The following EGFR variants were observed in gnomAD, a reference collection of about 807,000 sequenced individuals.
EGFR encodes epidermal growth factor receptor.
In EGFR, 58 loss-of-function variants were observed where a neutral mutation model predicts 143.0. The ratio of observed to expected loss-of-function variants is 0.41; its 90% confidence interval spans 0.33 to 0.50. The LOEUF is 0.50. EGFR is among the 20% of genes least tolerant of loss of function. EGFR has a pLI of 0.39. For synonymous variants in EGFR, 613 were observed against 594.4 expected (o/e 1.03, Z -0.45); for missense variants, 1,307 against 1,579.0 (o/e 0.83, Z 2.92).
rs756614898 is a variant in EGFR at position 55,181,311 on chromosome 7, A to G, written c.2302A>G (p.Ser768Gly). Reference sequence around the variant, plus strand: ...CCTCCAGGAAGCCTACGTGATGGCCAGCGTGGACAACCCCCACGTGTGCCG... The same window carrying G: ...CCTCCAGGAAGCCTACGTGATGGCCGGCGTGGACAACCCCCACGTGTGCCG... ...EILDEAYVMASVDNPHVCRLL... is the reference protein window; with the variant it reads ...EILDEAYVMAGVDNPHVCRLL... Residue 768 changes from serine to glycine, a missense_variant, in exon 20 of 28, where the codon AGC (serine) becomes GGC (glycine). Physicochemically the swap from Ser to Gly is moderately conservative, Grantham distance 56 (BLOSUM62 0). Around this residue, in one of 7 missense-constraint regions of EGFR, gnomAD observed 348 missense variants for 451.5 expected, o/e 0.77. Coordinates refer to ENST00000275493, the MANE Select transcript of EGFR (RefSeq NM_005228.5). 1.2e-6 allele frequency: 2 copies of G among 1,614,050 alleles called. No homozygotes were observed. The highest frequency in any genetic ancestry group is 1.3e-5 in the African/African-American group (1 of 74,942).
intron 1 of EGFR, among the ~76,000 whole-genome samples, chr7:55,024,973 TATG>T (rs1177208410): frequency 6.6e-6 from 1 of 152,208 alleles, no homozygotes; most frequent in African/African-American, 2.4e-5. Flanking sequence ...TATTTGGTTA[TATG>T]ATTATTTCCC....
chr7:55,116,587 A>G (rs1332774081), intron 1 of EGFR, among the ~76,000 whole-genome samples: 1 of 152,150 alleles, frequency 6.6e-6, no homozygotes, highest in African/African-American at 2.4e-5. Context: ...GGCCAATATC[A>G]CAAACCAATT....
In EGFR at chr7:55,152,648, G is replaced by A. The variant is rs200664836; in HGVS notation, c.731G>A (p.Arg244Gln). 14 of 1,613,596 alleles carry A rather than the reference G, an allele frequency of 8.7e-6. No individual in the cohort carries two copies. The highest frequency in any genetic ancestry group is 4.0e-5 in the African/African-American group (3 of 75,056). Residue 244 changes from arginine to glutamine, a missense_variant, in exon 6 of 28, where the codon CGG becomes CAG. By Grantham distance (43) the Arg-to-Gln change is conservative. This residue lies in a region of EGFR where 311 missense variants were observed against 412.3 expected (regional missense o/e 0.75). Coordinates refer to ENST00000275493, the MANE Select transcript of EGFR (RefSeq NM_005228.5). ...NQCAAGCTGPRESDCLVCRKF... is the reference protein window; with the variant it reads ...NQCAAGCTGPQESDCLVCRKF... The stretch of plus-strand genomic sequence containing the variant: ...TGTGCTGCAGGCTGCACAGGCCCCC[G>A]GGAGAGCGACTGCCTGGTAAGATGC...
At chr7:55,029,498 G>C (rs114692534) in intron 1 of EGFR, among the ~76,000 whole-genome samples, 2,128 of 151,968 alleles carry the variant, frequency 0.014, 55 homozygotes, top group African/African-American at 0.049. Context: ...CACAGAGAAA[G>C]AAAAATTTTT....
chr7:55,202,447 G>A, intron 26 of EGFR, 70 bp from the exon 27 acceptor site: 1 of 1,304,244 alleles, frequency 7.7e-7, no homozygotes, highest in Non-Finnish European at 1.1e-6. Context: ...GGAGATCTCG[G>A]GTGATTTTTG....
rs1256743514 is a variant in EGFR at position 55,191,728 on chromosome 7, T to C, written c.2479T>C (p.Tyr827His). ...WCVQIAKGMN[Y>H]LEDRRLVHRD... ...GTCTTCTCTGTTTCAGGGCATGAACTACTTGGAGGACCGTCGCTTGGTGCA... is the reference window on the plus strand; with the variant it reads ...GTCTTCTCTGTTTCAGGGCATGAACCACTTGGAGGACCGTCGCTTGGTGCA... The change falls in exon 21 of 28, where the codon TAC becomes CAC. Residue 827 changes from tyrosine to histidine, a missense_variant. Tyr to His is a moderately conservative substitution (Grantham distance 83). Coordinates refer to ENST00000275493, the MANE Select transcript of EGFR (RefSeq NM_005228.5). 1 of 1,613,796 alleles carries C rather than the reference T, an allele frequency of 6.2e-7. No homozygotes were observed. Among genetic ancestry groups the C allele is most frequent in the Non-Finnish European group, 8.5e-7 (1 of 1,180,010 alleles).
At chr7:55,086,967 A>G (rs1790801140) in intron 1 of EGFR, among the ~76,000 whole-genome samples, 2 of 152,156 alleles carry the variant, frequency 1.3e-5, no homozygotes. Flanking sequence ...TTCTGCAGGC[A>G]GGAAATGAGA....
At chr7:55,123,749 A>G (rs1340717766) in intron 1 of EGFR, among the ~76,000 whole-genome samples, 1 of 152,150 alleles carries the variant, frequency 6.6e-6, no homozygotes, top group Non-Finnish European at 1.5e-5. Flanking sequence ...GAAGAAACCT[A>G]GAGGAATCAA....
chr7:55,112,695 G>A (rs963604741), intron 1 of EGFR, among the ~76,000 whole-genome samples: 1 of 152,198 alleles, frequency 6.6e-6, no homozygotes, highest in Non-Finnish European at 1.5e-5. Context: ...CGCTGGATGG[G>A]AATCCCTCTG....
chr7:55,205,604 T>G lies in EGFR; in HGVS notation c.3620T>G (p.Phe1207Cys), dbSNP rs1301373415. Residue 1207 changes from phenylalanine to cysteine, a missense_variant, in exon 28 of 28, where the codon TTT becomes TGT. Coordinates refer to ENST00000275493, the MANE Select transcript of EGFR (RefSeq NM_005228.5). ...AGGGTCGCGCCACAAAGCAGTGAAT[T>G]TATTGGAGCATGACCACGGAGGATA... ...YLRVAPQSSE[F>C]IGA 6.2e-7 allele frequency: 1 copy of G among 1,614,124 alleles called. No individual in the cohort carries two copies. Among genetic ancestry groups the G allele is most frequent in the African/African-American group, 1.3e-5 (1 of 75,022 alleles).
intron 1 of EGFR, among the ~76,000 whole-genome samples, chr7:55,059,871 G>T (rs1789065203): frequency 6.6e-6 from 1 of 152,156 alleles, no homozygotes; most frequent in African/African-American, 2.4e-5. Context: ...ACCGAGATGT[G>T]CTGAGCAGAT....
intron 1 of EGFR, among the ~76,000 whole-genome samples, chr7:55,093,216 GC>G (rs1791233712): frequency 1.3e-5 from 2 of 152,172 alleles, no homozygotes; most frequent in Non-Finnish European, 2.9e-5. Flanking sequence ...CTGGAACCAA[GC>G]TTTAAATGCA....
At chr7:55,099,518 G>A (rs1256942910) in intron 1 of EGFR, among the ~76,000 whole-genome samples, 3 of 152,240 alleles carry the variant, frequency 2.0e-5, no homozygotes, top group African/African-American at 7.2e-5. Flanking sequence ...GTCCCAGATG[G>A]AGGGGGGAAT....
chr7:55,134,592 C>T (rs554733783), intron 1 of EGFR, among the ~76,000 whole-genome samples: 2 of 152,324 alleles, frequency 1.3e-5, no homozygotes, highest in African/African-American at 4.8e-5. Flanking sequence ...AACAGATCAA[C>T]GGGTATTGCT....
rs369169104 is a variant in EGFR at position 55,173,132 on chromosome 7, C to T, written c.2061+8C>T. On this transcript the variant is annotated splice_region_variant and intron_variant, in intron 17 of 27. Coordinates refer to ENST00000275493, the MANE Select transcript of EGFR (RefSeq NM_005228.5). Reference sequence around the variant, plus strand: ...CTGCTGCAGGAGAGGGAGGTGAGTGCCAGTCCTGGGTGGGCTCAGGAGCCC... The same window carrying T: ...CTGCTGCAGGAGAGGGAGGTGAGTGTCAGTCCTGGGTGGGCTCAGGAGCCC... 7.5e-6 allele frequency: 12 copies of T among 1,608,702 alleles called. No homozygotes were observed. In the African/African-American group the frequency reaches 1.1e-4, roughly 14 times the overall value.
At chr7:55,180,906 C>T in intron 19 of EGFR, 1 of 333,520 alleles carries the variant, frequency 3.0e-6, no homozygotes, top group Non-Finnish European at 5.7e-6. Flanking sequence ...CCTACAGGCC[C>T]TCATGATATT....
rs914602532 is a variant in EGFR at position 55,114,994 on chromosome 7, G to A, written c.89-27292G>A. ...CCTCCCAGGTTCACACCATTCTCCT[G>A]CCTCAGCCTCCTGAGTAGCTGGGAC... On this transcript the variant is annotated intron_variant, in intron 1 of 27. Coordinates refer to ENST00000275493, the MANE Select transcript of EGFR (RefSeq NM_005228.5). 3.4e-5 allele frequency among the ~76,000 whole-genome samples: 5 copies of A among 148,974 alleles called. No homozygotes were observed. The Admixed American group carries it at 3.4e-4, about 10-fold the overall frequency.
At chr7:55,197,491 G>A (rs1197789218) in intron 22 of EGFR, among the ~76,000 whole-genome samples, 4 of 152,098 alleles carry the variant, frequency 2.6e-5, no homozygotes, top group Non-Finnish European at 5.9e-5. Flanking sequence ...CTGTTTGGAT[G>A]TCCATTATTT....
chr7:55,032,808 T>C (rs1787332768), intron 1 of EGFR, among the ~76,000 whole-genome samples: 1 of 152,192 alleles, frequency 6.6e-6, no homozygotes, highest in Non-Finnish European at 1.5e-5. Context: ...TTATTAAAAA[T>C]GGAGAAAATG....
Sources: gnomAD v4.1 joint callset for allele counts (sites outside exome capture counted in the v4.1 genomes callset) on GRCh38, gnomAD v4.1.1 for gene constraint, gnomAD v4.1.1 regional missense constraint, MANE v1.5 for transcripts, NCBI Gene and HGNC (gene_info 2026-07-23, HGNC 2026-07-21) for gene names.